Variants in RRAGC observed in about 807,000 individuals in gnomAD.
RRAGC encodes the protein Ras related GTP binding C.
RRAGC carries 8 observed loss-of-function variants against 37.1 expected under a neutral mutation model. The observed-to-expected ratio is 0.22, with a 90% CI of 0.13 to 0.39. The LOEUF is 0.39. Among genes scored for constraint, RRAGC ranks in the 10% least tolerant of loss-of-function variants. RRAGC has a pLI of 1.00. For missense variants in RRAGC, 342 were observed against 497.6 expected (o/e 0.69, Z 2.98); for synonymous variants, 190 against 181.1 (o/e 1.05, Z -0.39).
intron 1 of RRAGC, 36 bp downstream of exon 1, chr1:38,859,374 G>C: frequency 6.5e-7 from 1 of 1,534,132 alleles, no homozygotes; most frequent in Non-Finnish European, 8.8e-7. Flanking sequence ...CTGAGAACCG[G>C]GGAGGGGGCG....
rs189536637 is a variant in RRAGC at position 38,850,113 on chromosome 1, G to A, written c.899+1502C>T. On this transcript the variant is annotated intron_variant, in intron 5 of 6. Coordinates refer to ENST00000373001, the MANE Select transcript of RRAGC (RefSeq NM_022157.4). ...CCCAGCTACTCGGGAGGCTGACGCA[G>A]GAGAATCGTTTGAACCCAGGAGGCG... Among the ~76,000 whole-genome samples the A allele has an allele frequency of 4.9e-3, 740 of 152,206 alleles. 2 individuals are homozygous for A. The highest frequency in any genetic ancestry group is 7.2e-3 in the Non-Finnish European group (487 of 68,000).
At chr1:38,849,545 A>G (rs1642070008) in intron 5 of RRAGC, among the ~76,000 whole-genome samples, 4 of 151,470 alleles carry the variant, frequency 2.6e-5, no homozygotes, top group Admixed American at 2.6e-4. Flanking sequence ...AAAATCAGCC[A>G]GGCGTGGTGG....
chr1:38,851,527 A>AG (rs1254856887), intron 5 of RRAGC, 88 bp downstream of exon 5: 13 of 1,206,628 alleles, frequency 1.1e-5, no homozygotes, highest in Non-Finnish European at 1.5e-5. Flanking sequence ...ACCACTTGCC[A>AG]GGGGCCTCAG....
chr1:38,845,820 T>A, intron 6 of RRAGC, 119 bp downstream of exon 6: 1 of 765,072 alleles, frequency 1.3e-6, no homozygotes. Flanking sequence ...CAGTTTGAGC[T>A]TTTTTTTTCT....
At chr1:38,853,878 G>C (rs1232001188) in intron 3 of RRAGC, among the ~76,000 whole-genome samples, 1 of 152,074 alleles carries the variant, frequency 6.6e-6, no homozygotes, top group Non-Finnish European at 1.5e-5. Flanking sequence ...TAGGGAGAAA[G>C]GAATATTTTA....
In RRAGC at chr1:38,839,287, C is replaced by A. The variant is rs1641920886; in HGVS notation, c.*266G>T. ...AATATCCCAACTACTTAAAGGGGAC[C>A]CAAAAGAGGAGAAACACACACTTGA... is the stretch of plus-strand genomic sequence containing the variant. On this transcript the variant is annotated 3_prime_UTR_variant, in exon 7 of 7. Transcript: ENST00000373001. 2.9e-6 allele frequency: 1 copy of A among 345,442 alleles called. No homozygotes were observed. Among genetic ancestry groups the A allele is most frequent in the African/African-American group, 2.1e-5 (1 of 47,972 alleles). 21.4% of individuals were successfully genotyped at this position (345,442 alleles called of 1,614,324 possible).
At chr1:38,845,564 T>C (rs954670845) in intron 6 of RRAGC, among the ~76,000 whole-genome samples, 2 of 152,160 alleles carry the variant, frequency 1.3e-5, no homozygotes, top group South Asian at 2.1e-4. Context: ...CCATGGCACA[T>C]ATATACCTAT....
At chr1:38,848,956 A>AC (rs1642061349) in intron 5 of RRAGC, among the ~76,000 whole-genome samples, 1 of 152,092 alleles carries the variant, frequency 6.6e-6, no homozygotes, top group Non-Finnish European at 1.5e-5. Context: ...ACATAGTGAG[A>AC]CCCCATCTCC....
At chr1:38,849,613 G>A (rs189423592) in intron 5 of RRAGC, among the ~76,000 whole-genome samples, 4 of 151,886 alleles carry the variant, frequency 2.6e-5, no homozygotes, top group Admixed American at 1.3e-4. Flanking sequence ...GCTTGAATCC[G>A]GGAGGCAGAG....
intron 5 of RRAGC, among the ~76,000 whole-genome samples, chr1:38,848,699 G>A (rs1642056082): frequency 6.6e-6 from 1 of 152,066 alleles, no homozygotes; most frequent in African/African-American, 2.4e-5. Flanking sequence ...ATAATGCCAA[G>A]GCAGGCCAAG....
At chr1:38,850,884 G>C (rs1642094014) in intron 5 of RRAGC, among the ~76,000 whole-genome samples, 1 of 151,954 alleles carries the variant, frequency 6.6e-6, no homozygotes, top group Non-Finnish European at 1.5e-5. Flanking sequence ...TGCCCAGACT[G>C]GTCTCCAACT....
chr1:38,849,769 T>G (rs1292763051), intron 5 of RRAGC, among the ~76,000 whole-genome samples: 6 of 152,340 alleles, frequency 3.9e-5, no homozygotes, highest in South Asian at 2.1e-4. Flanking sequence ...TTTTGTATTA[T>G]GAAAAAGTTG....
At chr1:38,847,633 T>C (rs1183187768) in intron 5 of RRAGC, 4 of 152,190 alleles carry the variant, frequency 2.6e-5, no homozygotes, top group Non-Finnish European at 5.9e-5. Flanking sequence ...ATACATTTCT[T>C]TGATCCTCAC....
intron 5 of RRAGC, chr1:38,847,978 T>TG (rs1239679693): frequency 1.4e-5 from 2 of 146,418 alleles, no homozygotes; most frequent in African/African-American, 5.2e-5. Flanking sequence ...AGGTCGAGGC[T>TG]GCAGTGAGCT....
intron 4 of RRAGC, among the ~76,000 whole-genome samples, 163 bp downstream of exon 4, chr1:38,852,211 T>C (rs1642109291): frequency 6.6e-6 from 1 of 152,220 alleles, no homozygotes; most frequent in Non-Finnish European, 1.5e-5. Context: ...AGAAAATAAC[T>C]TGAATAATAT....
rs1452839005 is a variant in RRAGC, at chr1:38,838,902, CATTTCA to C, written c.*645_*650del. On this transcript the variant is annotated 3_prime_UTR_variant, in exon 7 of 7. Transcript: ENST00000373001. Reference sequence around the variant, plus strand: ...GAACATAGGTGCAAAAATTTTCTTCCATTTCAAAGTTTTTTCAATACTTCCGAGGGA... The same window carrying C: ...GAACATAGGTGCAAAAATTTTCTTCCAAGTTTTTTCAATACTTCCGAGGGA... 6.6e-6 allele frequency: 1 copy of C among 152,192 alleles called. No homozygotes were observed. The highest frequency in any genetic ancestry group is 2.4e-5 in the African/African-American group (1 of 41,442). 9.4% of individuals were successfully genotyped at this position (152,192 alleles called of 1,614,324 possible). A position where few individuals can be genotyped will look rare whatever the true frequency, so the allele number is the denominator to read the frequency against.
Position 38,839,508 on chromosome 1 carries a change from G to T in RRAGC, c.*45C>A. 6.2e-7 allele frequency: 1 copy of T among 1,609,210 alleles called. No individual in the cohort carries two copies. The highest frequency in any genetic ancestry group is 1.1e-5 in the South Asian group (1 of 90,792). ...CTGTAGCACGTGGCATCCGACCCTG[G>T]AGTGAAGAGTAAGCTGGCACAGAGC... is the stretch of plus-strand genomic sequence containing the variant. On this transcript the variant is annotated 3_prime_UTR_variant, in exon 7 of 7. Transcript: ENST00000373001.
chr1:38,858,197 A>G (rs72925122), intron 1 of RRAGC, among the ~76,000 whole-genome samples: 3,723 of 152,316 alleles, frequency 0.024, 161 homozygotes, highest in African/African-American at 0.085. Context: ...ACCTGGAAGA[A>G]CGCTGCTTTT....
At chr1:38,851,515 G>A in intron 5 of RRAGC, 100 bp downstream of exon 5, 1 of 1,077,322 alleles carries the variant, frequency 9.3e-7, no homozygotes, top group South Asian at 1.9e-5. Flanking sequence ...AGTTCATGTA[G>A]TACCACTTGC....
Sources: gnomAD v4.1 joint callset for allele counts (sites outside exome capture counted in the v4.1 genomes callset) on GRCh38, gnomAD v4.1.1 for gene constraint, MANE v1.5 for transcripts, NCBI Gene and HGNC (gene_info 2026-07-23, HGNC 2026-07-21) for gene names.